UNC13A: variants seen among roughly 807,000 people sequenced by gnomAD.
UNC13A encodes the protein protein unc-13 homolog A.
A neutral mutation model predicts 219.7 loss-of-function variants in UNC13A; 61 were observed. The ratio of observed to expected loss-of-function variants is 0.28; its 90% CI spans 0.23 to 0.34. The LOEUF is 0.34. Among genes scored for constraint, UNC13A ranks in the 10% least tolerant of loss-of-function variants. The pLI is 1.00. For missense variants in UNC13A, 1,476 were observed against 2,270.3 expected (o/e 0.65, Z 7.11); for synonymous variants, 920 against 884.6 (o/e 1.04, Z -0.71).
intron 1 of UNC13A, among the ~76,000 whole-genome samples, chr19:17,686,814 G>A (rs1230434059): frequency 1.3e-5 from 2 of 149,714 alleles, no homozygotes; most frequent in Non-Finnish European, 3.0e-5. Flanking sequence ...GAATGAATCG[G>A]CCGAGGGGGA....
chr19:17,639,275 G>A, intron 24 of UNC13A, 58 bp from the exon 25 acceptor site: 1 of 1,607,142 alleles, frequency 6.2e-7, no homozygotes, highest in Non-Finnish European at 8.5e-7. Context: ...TCCCCAGGAA[G>A]TGACTGCGAG....
intron 35 of UNC13A, among the ~76,000 whole-genome samples, chr19:17,624,408 C>T (rs893790738): frequency 1.3e-5 from 2 of 152,138 alleles, no homozygotes; most frequent in Non-Finnish European, 2.9e-5. Flanking sequence ...GCGTGAGCCA[C>T]GGTGCCTGGC....
At chr19:17,630,507 A>G (rs1161828994) in intron 29 of UNC13A, 147 bp downstream of exon 29, 2 of 1,133,732 alleles carry the variant, frequency 1.8e-6, no homozygotes, top group Admixed American at 4.7e-5. Flanking sequence ...TTTGTAGTTG[A>G]TGAATGAACA....
chr19:17,664,096 G>T (rs949617759), intron 7 of UNC13A, among the ~76,000 whole-genome samples: 1 of 152,114 alleles, frequency 6.6e-6, no homozygotes, highest in Non-Finnish European at 1.5e-5. Context: ...GAGCCACTGT[G>T]CCTGGCTCAG....
intron 38 of UNC13A, among the ~76,000 whole-genome samples, chr19:17,619,322 G>C (rs1489287376): frequency 1.3e-5 from 2 of 151,934 alleles, no homozygotes; most frequent in Non-Finnish European, 2.9e-5. Context: ...CAATAGGCTA[G>C]GCTGAGGTTG....
At chr19:17,629,435 C>A in intron 30 of UNC13A, 112 bp from the exon 31 acceptor site, 2 of 935,036 alleles carry the variant, frequency 2.1e-6, no homozygotes, top group Admixed American at 4.5e-5. Flanking sequence ...CCTATTAGGA[C>A]CTAAGATGGG....
At chr19:17,631,669 A>C (rs2076856707) in intron 28 of UNC13A, among the ~76,000 whole-genome samples, 1 of 152,214 alleles carries the variant, frequency 6.6e-6, no homozygotes, top group Non-Finnish European at 1.5e-5. Flanking sequence ...CCCGAGTTCA[A>C]ATCTCGGGTC....
intron 8 of UNC13A, among the ~76,000 whole-genome samples, chr19:17,661,544 A>G (rs1010170468): frequency 2.6e-5 from 4 of 151,856 alleles, no homozygotes; most frequent in Admixed American, 2.6e-4. Context: ...AAATACAAAA[A>G]TTAACCAGGC....
At chr19:17,619,166 C>A in intron 38 of UNC13A, 1 of 505,518 alleles carries the variant, frequency 2.0e-6, no homozygotes, top group South Asian at 2.3e-5. Flanking sequence ...GAGGATAGTC[C>A]CCCACCCTCT....
At chr19:17,608,523 T>G (rs959629166) in intron 43 of UNC13A, among the ~76,000 whole-genome samples, 2 of 129,750 alleles carry the variant, frequency 1.5e-5, no homozygotes, top group Non-Finnish European at 3.5e-5. Context: ...AATTATATAA[T>G]ATATATTTCT....
chr19:17,685,088 T>C (rs1191614069), intron 1 of UNC13A, among the ~76,000 whole-genome samples: 1 of 152,210 alleles, frequency 6.6e-6, no homozygotes, highest in Non-Finnish European at 1.5e-5. Flanking sequence ...GTCATGTGCA[T>C]ACACACATGG....
At chr19:17,623,338 G>A in intron 36 of UNC13A, 1 of 506,824 alleles carries the variant, frequency 2.0e-6, no homozygotes, top group Non-Finnish European at 3.5e-6. Flanking sequence ...GGACAGGGAG[G>A]GTGGGCGTGG....
rs575913278 is a variant in UNC13A, at chr19:17,630,477, C to T, written c.3525+177G>A. ...AAGCCATGGGGTGCCTGGAGGTGTCCGGCTTGATGGAACTCACATTTTGTA... is the reference window on the plus strand; with the variant it reads ...AAGCCATGGGGTGCCTGGAGGTGTCTGGCTTGATGGAACTCACATTTTGTA... On this transcript the variant is annotated intron_variant, in intron 29 of 43. Coordinates refer to ENST00000519716, the MANE Select transcript of UNC13A (RefSeq NM_001080421.3). 1.4e-3 allele frequency among the ~76,000 whole-genome samples: 213 copies of T among 152,186 alleles called. 1 individual carries two copies. The highest frequency in any genetic ancestry group is 4.8e-3 in the African/African-American group (199 of 41,508).
rs761377826 is a variant in UNC13A at position 17,620,693 on chromosome 19, G to A, written c.4272C>T (p.Asp1424=). 7.4e-6 allele frequency: 12 copies of A among 1,613,390 alleles called. No individual in the cohort carries two copies. The highest frequency in any genetic ancestry group is 4.4e-5 in the South Asian group (4 of 90,762). ...KGRVKLPSHS[D]GTQMIFNAAK... ...ACAGACAGTGAGAGGCCGGTCTTACGTCTGAGTGGCTTGGCAATTTCACCC... is the reference window on the plus strand; with the variant it reads ...ACAGACAGTGAGAGGCCGGTCTTACATCTGAGTGGCTTGGCAATTTCACCC... The change falls in exon 38 of 44, where the codon GAC becomes GAT. Residue 1424 remains aspartate (D), a splice_region_variant and synonymous_variant. Coordinates refer to ENST00000519716, the MANE Select transcript of UNC13A (RefSeq NM_001080421.3).
At chr19:17,630,777 C>A (rs1229551116) in intron 28 of UNC13A, 27 bp from the exon 29 acceptor site, 2 of 1,604,674 alleles carry the variant, frequency 1.2e-6, no homozygotes, top group Non-Finnish European at 8.5e-7. Context: ...GGGTGGGGCT[C>A]TGCCACCTCT....
At chr19:17,681,882 G>A (rs564414628) in intron 1 of UNC13A, among the ~76,000 whole-genome samples, 4 of 152,072 alleles carry the variant, frequency 2.6e-5, no homozygotes, top group African/African-American at 9.6e-5. Flanking sequence ...TGGACTCTCA[G>A]AAATGTCCTG....
intron 12 of UNC13A, among the ~76,000 whole-genome samples, chr19:17,651,750 C>T (rs868835926): frequency 5.3e-5 from 8 of 152,166 alleles, no homozygotes; most frequent in Admixed American, 1.3e-4. Flanking sequence ...TCAGGACCCG[C>T]ATCCAAGGCT....
chr19:17,643,200 C>T (rs947086741), intron 19 of UNC13A, among the ~76,000 whole-genome samples: 2 of 152,052 alleles, frequency 1.3e-5, no homozygotes, highest in African/African-American at 4.8e-5. Context: ...TTAGTAGAGA[C>T]GGGGTTTCAC....
At chr19:17,615,008 G>A (rs375657098) in intron 41 of UNC13A, among the ~76,000 whole-genome samples, 77 of 152,192 alleles carry the variant, frequency 5.1e-4, no homozygotes, top group Non-Finnish European at 4.1e-4. Context: ...TGCTGGCTTC[G>A]CGGGGAAGGG....
Sources: allele counts gnomAD v4.1 joint callset (sites outside exome capture counted in the v4.1 genomes callset), GRCh38; gene constraint gnomAD v4.1.1; transcripts MANE v1.5; gene names NCBI Gene and HGNC (gene_info 2026-07-23, HGNC 2026-07-21).